The following TDRKH variants were observed in gnomAD, a reference collection of about 807,000 sequenced individuals.
TDRKH encodes tudor and KH domain containing.
In TDRKH, 28 loss-of-function variants were observed where a neutral mutation model predicts 61.3. The ratio of observed to expected loss-of-function variants is 0.46; its 90% CI spans 0.34 to 0.63. The LOEUF (loss-of-function observed/expected upper bound fraction) is 0.63, where lower values mean the gene tolerates loss of function less well. Ranked by LOEUF, TDRKH falls within the 20% of genes least tolerant of loss-of-function variation. TDRKH has a pLI of 0.01. For synonymous variants in TDRKH, 219 were observed against 244.4 expected (o/e 0.90, Z 0.97); for missense variants, 540 against 683.4 (o/e 0.79, Z 2.34).
At chr1:151,770,597 G>C (rs963988708), downstream of TDRKH, 1 of 264,216 alleles carries the variant, frequency 3.8e-6, no homozygotes, top group Non-Finnish European at 7.2e-6. Context: ...AAGGCCAAGG[G>C]AACGGGGACA....
intron 1 of TDRKH, among the ~76,000 whole-genome samples, chr1:151,784,421 T>C (rs1650127246): frequency 6.6e-6 from 1 of 152,238 alleles, no homozygotes. Context: ...ATATCTGTCC[T>C]CAAGTTCTCT....
intron 10 of TDRKH, 89 bp from the exon 11 acceptor site, chr1:151,775,255 G>T: frequency 6.4e-7 from 1 of 1,560,358 alleles, no homozygotes; most frequent in Non-Finnish European, 8.8e-7. Flanking sequence ...ATACTTTAAA[G>T]ACATTCCTTT....
At chr1:151,789,983 T>C (rs1650750967) in intron 1 of TDRKH, among the ~76,000 whole-genome samples, 1 of 152,204 alleles carries the variant, frequency 6.6e-6, no homozygotes, top group Non-Finnish European at 1.5e-5. Flanking sequence ...CAATGTATTA[T>C]TCTGACGACT....
At chr1:151,784,938 T>G (rs1558149534) in intron 1 of TDRKH, among the ~76,000 whole-genome samples, 2 of 151,680 alleles carry the variant, frequency 1.3e-5, no homozygotes, top group African/African-American at 4.8e-5. Flanking sequence ...AATTCGTTTT[T>G]TTTTTTTTTT....
Position 151,781,145 on chromosome 1 carries a change from G to A in TDRKH, c.231+336C>T, listed in dbSNP as rs1348910387. ...AGCCTGGCCAACATGACGAAACCTC[G>A]TCTCCACTAAAAATACCAAAAATTC... On this transcript the variant is annotated intron_variant, in intron 3 of 12. Transcript: ENST00000368824. Among the ~76,000 whole-genome samples, 17 of 150,354 alleles carry A rather than the reference G, an allele frequency of 1.1e-4. 1 individual carries two copies. In the Middle Eastern group the frequency reaches 0.01, roughly 91 times the overall value.
At chr1:151,774,588 A>G in intron 12 of TDRKH, 84 bp from the exon 13 acceptor site, 1 of 1,578,858 alleles carries the variant, frequency 6.3e-7, no homozygotes, top group Non-Finnish European at 8.7e-7. Context: ...AGAAAAATGG[A>G]CCTCTTGGTA....
Position 151,776,556 on chromosome 1 carries a change from T to G in TDRKH, c.927A>C (p.Glu309Asp). 6.2e-7 allele frequency: 1 copy of G among 1,614,100 alleles called. No homozygotes were observed. The highest frequency in any genetic ancestry group is 8.5e-7 in the Non-Finnish European group (1 of 1,179,990). The change falls in exon 7 of 13, where the codon GAA (glutamate) becomes GAC (aspartate). Residue 309 changes from glutamate (E) to aspartate (D), a missense_variant. Transcript: ENST00000368824. ...DFSFHADEYL[E>D]VYVSASEHPN... ...GGTGCTCAGAAGCAGAAACGTAGAC[T>G]TCTAGGTACTCATCAGCATGAAAAC...
chr1:151,780,203 G>C, intron 3 of TDRKH, 63 bp from the exon 4 acceptor site: 1 of 1,561,910 alleles, frequency 6.4e-7, no homozygotes, highest in African/African-American at 1.3e-5. Flanking sequence ...CCCAGCTACA[G>C]ACACTCTAAA....
chr1:151,770,535 C>T (rs960221190), downstream of TDRKH: 10 of 372,838 alleles, frequency 2.7e-5, no homozygotes, highest in Non-Finnish European at 4.9e-6. Context: ...GCCAGCAGGA[C>T]AAAATGGATC....
chr1:151,778,828 G>C lies in TDRKH; in HGVS notation c.740C>G (p.Thr247Ser). ...WKNTSSSMEP[T>S]APLVTPPPKG... ...GGGTGGAGGAGTCACCAGGGGTGCA[G>C]TCGGCTCCATGCTAGAACTGGTGTT... is the stretch of plus-strand genomic sequence containing the variant. Residue 247 changes from threonine to serine, a missense_variant, in exon 6 of 13, where the codon ACT becomes AGT. Thr to Ser is a moderately conservative substitution (Grantham distance 58). Around this residue, in one of 3 missense-constraint regions of TDRKH, gnomAD observed 379 missense variants for 443.8 expected, o/e 0.85. Transcript: ENST00000368824. 6.2e-7 allele frequency: 1 copy of C among 1,614,222 alleles called. No individual in the cohort carries two copies. Among genetic ancestry groups the C allele is most frequent in the Non-Finnish European group, 8.5e-7 (1 of 1,180,048 alleles).
rs536677255 is a variant in TDRKH, at chr1:151,780,813, G to A, written c.231+668C>T. On this transcript the variant is annotated intron_variant, in intron 3 of 12. Transcript: ENST00000368824. ...TGCAGTGAGCCAAGATCATGCCACT[G>A]CATTCCAGCCTGGGTGACAGAGCCA... is the stretch of plus-strand genomic sequence containing the variant. Among the ~76,000 whole-genome samples, 3 of 145,314 alleles carry A rather than the reference G, an allele frequency of 2.1e-5. No individual in the cohort carries two copies. In the South Asian group the frequency reaches 6.5e-4, roughly 31 times the overall value.
intron 6 of TDRKH, 91 bp downstream of exon 6, chr1:151,778,594 C>A (rs1649439609): frequency 1.3e-6 from 2 of 1,591,646 alleles, no homozygotes; most frequent in East Asian, 4.5e-5. Flanking sequence ...ACTGGCTGCT[C>A]AGACTGAGAA....
chr1:151,767,946 T>C, downstream of TDRKH: 1 of 1,367,478 alleles, frequency 7.3e-7, no homozygotes, highest in East Asian at 2.4e-5. Flanking sequence ...AGATCTTGGC[T>C]CCAATTCTCC....
At chr1:151,776,297 A>C (rs770879538) in intron 7 of TDRKH, 29 bp from the exon 8 acceptor site, 5 of 1,607,458 alleles carry the variant, frequency 3.1e-6, no homozygotes, top group Non-Finnish European at 4.3e-6. Context: ...AGAAAGGCAG[A>C]GAGTTACAAA....
chr1:151,776,526 GT>G lies in TDRKH; in HGVS notation c.956del (p.Asn319ThrfsTer22). The G allele has an allele frequency of 6.2e-7, 1 of 1,614,172 alleles. No individual in the cohort carries two copies. Among genetic ancestry groups the G allele is most frequent in the Non-Finnish European group, 8.5e-7 (1 of 1,180,038 alleles). On this transcript the variant is annotated frameshift_variant, in exon 7 of 13. Transcript: ENST00000368824. LOFTEE classifies it high-confidence loss of function. Reference sequence around the variant, plus strand: ...AGCCAACGATCTGGATCCAGAAGTGGTTAGGGTGCTCAGAAGCAGAAACGTA... The same window carrying G: ...AGCCAACGATCTGGATCCAGAAGTGGTAGGGTGCTCAGAAGCAGAAACGTA... ...EVYVSASEHPNHFWIQIVGSR... is the reference protein window; with the variant it reads ...EVYVSASEHPXHFWIQIVGSR...
intron 6 of TDRKH, among the ~76,000 whole-genome samples, chr1:151,777,425 G>C (rs1649294572): frequency 6.6e-6 from 1 of 151,970 alleles, no homozygotes; most frequent in Non-Finnish European, 1.5e-5. Flanking sequence ...CAGCCTGGGA[G>C]ACAGAGGAAG....
At chr1:151,780,621 C>T (rs1055452173) in intron 3 of TDRKH, among the ~76,000 whole-genome samples, 4 of 152,036 alleles carry the variant, frequency 2.6e-5, no homozygotes, top group African/African-American at 4.8e-5. Flanking sequence ...GAAGCCAAGG[C>T]GGCTGGATCA....
chr1:151,766,945 AAG>A (rs1490056711), downstream of TDRKH: 8 of 1,452,496 alleles, frequency 5.5e-6, no homozygotes, highest in Non-Finnish European at 7.6e-6. Context: ...GAAAAAGTAA[AAG>A]AATTTGAAAG....
intron 8 of TDRKH, 97 bp downstream of exon 8, chr1:151,775,999 G>C: frequency 1.3e-6 from 2 of 1,568,162 alleles, no homozygotes; most frequent in Non-Finnish European, 1.7e-6. Flanking sequence ...TCTGTAAACA[G>C]GTTCCCTTCC....
Sources: allele counts gnomAD v4.1 joint callset (sites outside exome capture counted in the v4.1 genomes callset), GRCh38; gene constraint gnomAD v4.1.1; regional missense constraint gnomAD v4.1.1; transcripts MANE v1.5; gene names NCBI Gene and HGNC (gene_info 2026-07-23, HGNC 2026-07-21).